KIAA1549: variants seen among roughly 807,000 people sequenced by gnomAD.
The protein encoded by KIAA1549 is UPF0606 protein KIAA1549.
KIAA1549 carries 70 observed loss-of-function variants against 156.4 expected under a neutral mutation model. The ratio of observed to expected loss-of-function variants is 0.45; its 90% CI spans 0.37 to 0.55. The LOEUF (loss-of-function observed/expected upper bound fraction) is 0.55. KIAA1549 is among the 20% of genes least tolerant of loss of function. The probability of loss-of-function intolerance (pLI) is 0.00; values close to 1 mark genes in which losing one functional copy is unlikely to be tolerated. For missense variants in KIAA1549, 2,428 were observed against 2,540.9 expected (o/e 0.96, Z 0.96); for synonymous variants, 1,103 against 1,066.4 (o/e 1.03, Z -0.67).
intron 18 of KIAA1549, among the ~76,000 whole-genome samples, chr7:138,842,611 T>G (rs1048833063): frequency 2.2e-4 from 34 of 151,302 alleles, no homozygotes; most frequent in Non-Finnish European, 4.0e-4. Flanking sequence ...GAGAATCGCT[T>G]GAACACAGGA....
chr7:138,922,556 G>A (rs1437407789), intron 1 of KIAA1549, among the ~76,000 whole-genome samples: 2 of 151,972 alleles, frequency 1.3e-5, no homozygotes, highest in Non-Finnish European at 2.9e-5. Context: ...GAAAACATGA[G>A]TAATGAGCAA....
Position 138,864,988 on chromosome 7 carries a change from G to A in KIAA1549, c.4929+2987C>T, listed in dbSNP as rs144957629. ...TCATGTCTATAATCCCAGAAATGTG[G>A]GAGGCCAAGGCAGGAGGATCGCTGA... On this transcript the variant is annotated intron_variant, in intron 15 of 19. Transcript: ENST00000422774. 4.6e-3 allele frequency among the ~76,000 whole-genome samples: 699 copies of A among 152,304 alleles called. 3 individuals carry two copies. The highest frequency in any genetic ancestry group is 7.3e-3 in the Admixed American group (111 of 15,296).
chr7:138,868,020 G>A lies in KIAA1549; in HGVS notation c.4884C>T (p.Tyr1628=), dbSNP rs1458530542. The change falls in exon 15 of 20, where the codon TAC becomes TAT. Residue 1628 remains tyrosine, a synonymous_variant. Coordinates refer to ENST00000422774, the MANE Select transcript of KIAA1549 (RefSeq NM_001164665.2). The part of the protein sequence containing the change: ...RLITTDSDGT[Y]RRPPGVHNSA... ...AGTTGTGGACGCCGGGGGGCCTCCT[G>A]TAGGTGCCATCGCTGTCTGTGGTGA... The A allele has an allele frequency of 2.5e-6, 4 of 1,613,874 alleles. No homozygotes were observed. Among genetic ancestry groups the A allele is most frequent in the African/African-American group, 2.7e-5 (2 of 74,940 alleles).
chr7:138,904,143 G>A (rs1204580488), intron 7 of KIAA1549, among the ~76,000 whole-genome samples: 1 of 152,134 alleles, frequency 6.6e-6, no homozygotes, highest in Admixed American at 6.5e-5. Flanking sequence ...TCATTGTCTT[G>A]CCTTGAGACT....
chr7:138,976,295 T>G (rs780105828), intron 1 of KIAA1549, among the ~76,000 whole-genome samples: 20 of 152,234 alleles, frequency 1.3e-4, no homozygotes, highest in Middle Eastern at 6.8e-3. Flanking sequence ...CAGGCTGGTC[T>G]CCAACTCCTG....
chr7:138,912,529 G>C (rs1812199527), intron 2 of KIAA1549, 69 bp from the exon 3 acceptor site: 3 of 1,315,620 alleles, frequency 2.3e-6, no homozygotes, highest in Non-Finnish European at 3.3e-6. Context: ...CCAGACTTCT[G>C]GACCCCAGCA....
intron 1 of KIAA1549, among the ~76,000 whole-genome samples, chr7:138,960,287 TTTTATTGATTTATTGATTTA>T (rs1306315303): frequency 1.0e-4 from 9 of 90,276 alleles, no homozygotes; most frequent in Non-Finnish European, 1.9e-4. Flanking sequence ...ATAAATTTTA[TTTTATTGATTTATTGATTTA>T]TTTATTTATT....
intron 2 of KIAA1549, among the ~76,000 whole-genome samples, chr7:138,913,614 A>T (rs1242596273): frequency 1.3e-5 from 2 of 152,202 alleles, no homozygotes; most frequent in Non-Finnish European, 2.9e-5. Flanking sequence ...TCATTCTTTA[A>T]AACAAAAATG....
chr7:138,848,734 T>C (rs377448492), intron 17 of KIAA1549, among the ~76,000 whole-genome samples: 1 of 152,168 alleles, frequency 6.6e-6, no homozygotes, highest in Non-Finnish European at 1.5e-5. Flanking sequence ...TTAGAAGAGT[T>C]TGTATAATAC....
At chr7:138,910,177 C>T (rs558559819) in intron 4 of KIAA1549, among the ~76,000 whole-genome samples, 1 of 152,202 alleles carries the variant, frequency 6.6e-6, no homozygotes, top group Admixed American at 6.5e-5. Context: ...ACACAGTGGT[C>T]TGTTAAACTA....
At position 138,831,724 on chromosome 7, in the gene KIAA1549, G is replaced by T. The variant is rs1277542391; in HGVS notation, c.*6182C>A. On this transcript the variant is annotated 3_prime_UTR_variant, in exon 20 of 20. Transcript: ENST00000422774. ...TCATAATCTAGGGATGAGTGTGCAGGAAGAGCCAGAAAAACATGGACCTTG... is the reference window on the plus strand; with the variant it reads ...TCATAATCTAGGGATGAGTGTGCAGTAAGAGCCAGAAAAACATGGACCTTG... The T allele has an allele frequency of 4.3e-6, 1 of 231,468 alleles. No individual in the cohort carries two copies. The highest frequency in any genetic ancestry group is 5.6e-5 in the Admixed American group (1 of 17,720). The allele number at this position is 231,468 out of a possible 1,614,324, so 14.3% of individuals were successfully genotyped here.
chr7:138,979,348 C>G (rs1055178427), intron 1 of KIAA1549, among the ~76,000 whole-genome samples: 8 of 152,214 alleles, frequency 5.3e-5, no homozygotes, highest in Admixed American at 3.3e-4. Flanking sequence ...ATATTCTCCA[C>G]AACCTCTGCA....
chr7:138,917,364 A>G lies in KIAA1549; in HGVS notation c.2262T>C (p.Tyr754=), dbSNP rs1434274201. ...CATGGGAAATGAGTGAAGACTCAAGATAGGAGGTAGTTTCAATGAAAGCTG... is the reference window on the plus strand; with the variant it reads ...CATGGGAAATGAGTGAAGACTCAAGGTAGGAGGTAGTTTCAATGAAAGCTG... ...FTSAFIETTS[Y]LESSLISHES... The change falls in exon 2 of 20, where the codon TAT becomes TAC. Residue 754 remains tyrosine (Y), a synonymous_variant. Transcript: ENST00000422774. 6.2e-7 allele frequency: 1 copy of G among 1,613,982 alleles called. No individual in the cohort carries two copies. The highest frequency in any genetic ancestry group is 8.5e-7 in the Non-Finnish European group (1 of 1,179,870).
intron 1 of KIAA1549, among the ~76,000 whole-genome samples, chr7:138,945,265 C>T (rs1172446825): frequency 5.9e-5 from 9 of 152,226 alleles, no homozygotes; most frequent in Non-Finnish European, 1.3e-4. Context: ...TATTGTAACA[C>T]TCACCCCAGG....
At chr7:138,971,427 C>G (rs766510233) in intron 1 of KIAA1549, among the ~76,000 whole-genome samples, 5 of 152,170 alleles carry the variant, frequency 3.3e-5, no homozygotes, top group Non-Finnish European at 7.3e-5. Context: ...TAGATCCCAT[C>G]CCTTCCAAGC....
At chr7:138,873,382 C>T (rs1810991248) in intron 12 of KIAA1549, among the ~76,000 whole-genome samples, 1 of 152,152 alleles carries the variant, frequency 6.6e-6, no homozygotes, top group African/African-American at 2.4e-5. Flanking sequence ...CAGGCACCAC[C>T]ATTCATCGGT....
intron 8 of KIAA1549, 32 bp downstream of exon 8, chr7:138,903,556 T>A: frequency 6.2e-7 from 1 of 1,606,010 alleles, no homozygotes; most frequent in Non-Finnish European, 8.5e-7. Flanking sequence ...TCTCCCTCTC[T>A]CTCCTTCCCC....
Position 138,906,387 on chromosome 7 carries a change from CA to C in KIAA1549, c.3460+531del, listed in dbSNP as rs570342996. On this transcript the variant is annotated intron_variant, in intron 6 of 19. Coordinates refer to ENST00000422774, the MANE Select transcript of KIAA1549 (RefSeq NM_001164665.2). ...AACCAATGCAGGTTGATCACTGTAA[CA>C]AATGGGCCACTGTGCTGGGGGATGC... Among the ~76,000 whole-genome samples the C allele has an allele frequency of 1.0e-3, 152 of 152,276 alleles. No individual in the cohort carries two copies. In the Middle Eastern group the frequency reaches 0.01, roughly 10 times the overall value.
intron 16 of KIAA1549, among the ~76,000 whole-genome samples, chr7:138,854,580 T>C (rs951877230): frequency 3.3e-5 from 5 of 151,504 alleles, no homozygotes; most frequent in Admixed American, 3.3e-4. Context: ...TAGCAGCAAA[T>C]AAGAGAGTGA....
Sources: allele counts gnomAD v4.1 joint callset (sites outside exome capture counted in the v4.1 genomes callset), GRCh38; gene constraint gnomAD v4.1.1; transcripts MANE v1.5; gene names NCBI Gene and HGNC (gene_info 2026-07-23, HGNC 2026-07-21).